NUP210L: variants seen among roughly 807,000 people sequenced by gnomAD.
NUP210L encodes nuclear pore membrane glycoprotein 210-like.
NUP210L carries 74 observed loss-of-function variants against 208.5 expected under a neutral mutation model. The ratio of observed to expected loss-of-function variants is 0.35; its 90% confidence interval spans 0.29 to 0.43. NUP210L has a LOEUF of 0.43. Among genes scored for constraint, NUP210L ranks in the 20% least tolerant of loss-of-function variants. NUP210L has a pLI of 1.00. For synonymous variants in NUP210L, 780 were observed against 816.9 expected, an observed-to-expected ratio of 0.95 and a Z score of 0.77; for missense variants, 1,843 against 2,289.4, an observed-to-expected ratio of 0.81 and a Z score of 3.98.
At position 154,138,190 on chromosome 1, in the gene NUP210L, G is replaced by T. The variant is rs933348749; in HGVS notation, c.766C>A (p.Leu256Ile). ...AGATAAATATCATGGGATGGTATAA[G>T]AAATATATTCTCCAAAACAAGCAGA... Residue 256 changes from leucine to isoleucine, a missense_variant, in exon 6 of 40, where the codon CTT (leucine) becomes ATT (isoleucine). By Grantham distance (5) the Leu-to-Ile change is conservative. Transcript: ENST00000368559. 24 of 1,540,906 alleles carry T rather than the reference G, an allele frequency of 1.6e-5. No homozygotes were observed. Among genetic ancestry groups the T allele is most frequent in the Non-Finnish European group, 2.1e-5 (24 of 1,155,974 alleles).
At chr1:154,010,377 T>C (rs1650838271) in intron 34 of NUP210L, among the ~76,000 whole-genome samples, 1 of 152,110 alleles carries the variant, frequency 6.6e-6, no homozygotes, top group Non-Finnish European at 1.5e-5. Context: ...CAAAGATTTT[T>C]TTTGAAAAAT....
At chr1:154,004,365 G>A (rs909408870) in intron 35 of NUP210L, among the ~76,000 whole-genome samples, 9 of 149,760 alleles carry the variant, frequency 6.0e-5, no homozygotes, top group Non-Finnish European at 7.4e-5. Context: ...CACTGCGCCC[G>A]GCCTTCTTTT....
At chr1:154,006,966 A>ATATTT in intron 35 of NUP210L, among the ~76,000 whole-genome samples, 1 of 115,786 alleles carries the variant, frequency 8.6e-6, no homozygotes, top group Admixed American at 1.1e-4. Flanking sequence ...ATATATATAT[A>ATATTT]TTTTTTTTTT....
intron 10 of NUP210L, among the ~76,000 whole-genome samples, chr1:154,125,619 C>CA (rs1657856688): frequency 1.3e-4 from 9 of 68,310 alleles, no homozygotes; most frequent in Admixed American, 7.5e-4. Context: ...GAGGCCCTCT[C>CA]TGAAAGGAAG....
rs201291806 is a variant in NUP210L, at chr1:154,152,760, T to C, written c.316A>G (p.Ser106Gly). The C allele has an allele frequency of 7.6e-4, 1,227 of 1,614,114 alleles. 12 individuals carry two copies. The South Asian group carries it at 0.013, about 17-fold the overall frequency. The change falls in exon 2 of 40, where the codon AGT becomes GGT. Residue 106 changes from serine to glycine, a missense_variant. By Grantham distance (56) the Ser-to-Gly change is moderately conservative (BLOSUM62 0). This residue lies in a region of NUP210L where 542 missense variants were observed against 606.4 expected (regional missense o/e 0.89). Coordinates refer to ENST00000368559, the Ensembl canonical transcript of NUP210L. Reference sequence around the variant, plus strand: ...CCTATTTCTCGAGCAAGAATAATACTGCTGAGGCGTATCGGTTGCGTAGAT... The same window carrying C: ...CCTATTTCTCGAGCAAGAATAATACCGCTGAGGCGTATCGGTTGCGTAGAT...
chr1:154,148,416 A>G (rs1659223986), intron 2 of NUP210L, among the ~76,000 whole-genome samples: 1 of 152,008 alleles, frequency 6.6e-6, no homozygotes, highest in African/African-American at 2.4e-5. Context: ...CCGGGAAGCA[A>G]AGGTTGCAGT....
chr1:154,046,138 A>T, exon 27 of NUP210L: 1 of 1,614,162 alleles, frequency 6.2e-7, no homozygotes, highest in Non-Finnish European at 8.5e-7. Flanking sequence ...TGAGCCCAGG[A>T]TTAGCATTGC....
At chr1:154,009,530 T>C (rs1650777036) in intron 35 of NUP210L, among the ~76,000 whole-genome samples, 1 of 149,662 alleles carries the variant, frequency 6.7e-6, no homozygotes, top group Non-Finnish European at 1.5e-5. Flanking sequence ...TTAACACCTG[T>C]AATTCCAGCA....
At chr1:154,128,715 G>T (rs1658105888) in intron 8 of NUP210L, among the ~76,000 whole-genome samples, 1 of 151,980 alleles carries the variant, frequency 6.6e-6, no homozygotes, top group South Asian at 2.1e-4. Flanking sequence ...CAGGCATGGT[G>T]GCGCACCTGT....
intron 33 of NUP210L, 28 bp from the exon 34 acceptor site, chr1:154,012,398 AC>A (rs769734058): frequency 6.2e-7 from 1 of 1,604,564 alleles, no homozygotes; most frequent in Admixed American, 1.7e-5. Context: ...GAAAATCTGC[AC>A]CTAAGTTCCT....
At chr1:154,074,362 C>T (rs1334330329) in intron 16 of NUP210L, among the ~76,000 whole-genome samples, 2 of 152,192 alleles carry the variant, frequency 1.3e-5, no homozygotes, top group East Asian at 1.9e-4. Context: ...AAAAAAGCAT[C>T]CTTTTTTCTC....
chr1:154,153,725 C>G (rs1482169483), intron 1 of NUP210L, among the ~76,000 whole-genome samples: 1 of 152,158 alleles, frequency 6.6e-6, no homozygotes, highest in Admixed American at 6.5e-5. Flanking sequence ...GGATTACAGG[C>G]GTGAGCCACC....
exon 18 of NUP210L, chr1:154,061,629 A>G (rs1172411318): frequency 1.2e-6 from 2 of 1,609,576 alleles, no homozygotes; most frequent in East Asian, 2.2e-5. Context: ...ATTGACTCCA[A>G]TCAGTACAGT....
At chr1:154,099,303 C>G (rs1338115781) in intron 14 of NUP210L, among the ~76,000 whole-genome samples, 1 of 152,174 alleles carries the variant, frequency 6.6e-6, no homozygotes, top group African/African-American at 2.4e-5. Context: ...AAAGCTGCAC[C>G]CAGGGAGCTC....
intron 3 of NUP210L, among the ~76,000 whole-genome samples, chr1:154,142,998 G>A (rs1282433675): frequency 1.3e-5 from 2 of 151,758 alleles, no homozygotes; most frequent in African/African-American, 4.8e-5. Flanking sequence ...AGACCAGCTT[G>A]ACCAACATGG....
At chr1:154,062,567 C>CTTTTTTTTTTTTTTTTTTTTT (rs34499821) in intron 17 of NUP210L, among the ~76,000 whole-genome samples, 23 of 74,992 alleles carry the variant, frequency 3.1e-4, no homozygotes, top group East Asian at 4.2e-4. Context: ...TTTCTTTTTC[C>CTTTTTTTTTTTTTTTTTTTTT]TTTTTTTTTT....
intron 37 of NUP210L, among the ~76,000 whole-genome samples, chr1:153,996,617 C>A (rs1048032470): frequency 6.6e-6 from 1 of 152,054 alleles, no homozygotes; most frequent in African/African-American, 2.4e-5. Context: ...GGATGAGTGT[C>A]ACCATTTTGG....
chr1:154,011,223 ATTT>A lies in NUP210L; in HGVS notation c.4780+1018_4780+1020del, dbSNP rs752847076. 8.8e-4 allele frequency among the ~76,000 whole-genome samples: 122 copies of A among 139,132 alleles called. 1 individual carries two copies. The highest frequency in any genetic ancestry group is 2.9e-3 in the African/African-American group (112 of 38,024). 91.3% of individuals were successfully genotyped at this position (139,132 alleles called of 152,430 possible). On this transcript the variant is annotated intron_variant, in intron 34 of 39. Transcript: ENST00000368559. Reference sequence around the variant, plus strand: ...TCTGTTGGCCAGGCACGGTGGCTAGATTTTTTTTTTTTTTTTTTGAGATGGAGT... The same window carrying A: ...TCTGTTGGCCAGGCACGGTGGCTAGATTTTTTTTTTTTTTTGAGATGGAGT...
exon 17 of NUP210L, chr1:154,070,347 A>C: frequency 1.2e-6 from 2 of 1,613,734 alleles, no homozygotes; most frequent in South Asian, 2.2e-5. Flanking sequence ...GAAATGGGCT[A>C]GTGTTTCATT....
Sources: allele counts gnomAD v4.1 joint callset (sites outside exome capture counted in the v4.1 genomes callset), GRCh38; gene constraint gnomAD v4.1.1; regional missense constraint gnomAD v4.1.1; transcripts MANE v1.5; gene names NCBI Gene and HGNC (gene_info 2026-07-23, HGNC 2026-07-21).